Variants in NXPH1 observed in about 807,000 individuals in gnomAD.
The protein encoded by NXPH1 is neurexophilin 1.
In NXPH1, 5 loss-of-function variants were observed where a neutral mutation model predicts 23.7. The observed-to-expected ratio is 0.21, with a 90% confidence interval of 0.11 to 0.44. NXPH1 has a LOEUF of 0.44. NXPH1 is among the 20% of genes least tolerant of loss of function. The probability of loss-of-function intolerance (pLI) is 0.99; values close to 1 mark genes in which losing one functional copy is unlikely to be tolerated. For synonymous variants in NXPH1, 144 were observed against 122.2 expected, an observed-to-expected ratio of 1.18 and a Z score of -1.18; for missense variants, 324 against 321.6, an observed-to-expected ratio of 1.01 and a Z score of -0.06.
intron 2 of NXPH1, among the ~76,000 whole-genome samples, chr7:8,500,879 G>A (rs1005324502): frequency 7.9e-5 from 12 of 151,998 alleles, no homozygotes; most frequent in Non-Finnish European, 1.5e-4. Flanking sequence ...AAATAATGAC[G>A]TAGGGGTCCC....
chr7:8,485,532 G>T (rs1438977622), intron 2 of NXPH1, among the ~76,000 whole-genome samples: 1 of 151,984 alleles, frequency 6.6e-6, no homozygotes, highest in Admixed American at 6.6e-5. Flanking sequence ...TCCACAGAAG[G>T]ATGGCACAAA....
At chr7:8,671,663 T>G (rs1199731107) in intron 2 of NXPH1, among the ~76,000 whole-genome samples, 2 of 152,198 alleles carry the variant, frequency 1.3e-5, no homozygotes, top group Non-Finnish European at 2.9e-5. Flanking sequence ...TTAGATAAGT[T>G]TGGTACAGAA....
intron 2 of NXPH1, among the ~76,000 whole-genome samples, chr7:8,640,478 T>C (rs1215402724): frequency 3.3e-5 from 5 of 151,782 alleles, no homozygotes; most frequent in Admixed American, 2.0e-4. Flanking sequence ...CTTTCTTTGA[T>C]CTAGTCATAC....
At chr7:8,701,182 T>C (rs1264977487) in intron 2 of NXPH1, among the ~76,000 whole-genome samples, 1 of 152,122 alleles carries the variant, frequency 6.6e-6, no homozygotes, top group Non-Finnish European at 1.5e-5. Flanking sequence ...ACGATTGCAA[T>C]AGTTTTCCAT....
intron 2 of NXPH1, among the ~76,000 whole-genome samples, chr7:8,571,445 A>G (rs756465): frequency 0.4 from 61,284 of 151,558 alleles, 13,656 homozygotes; most frequent in African/African-American, 0.61. Flanking sequence ...AGAGGTGGGA[A>G]AAAGAACTCA....
At chr7:8,575,416 T>C (rs1818733797) in intron 2 of NXPH1, among the ~76,000 whole-genome samples, 1 of 152,194 alleles carries the variant, frequency 6.6e-6, no homozygotes, top group South Asian at 2.1e-4. Context: ...TTTTGTTTTA[T>C]ATGTGACTGT....
chr7:8,700,187 C>T (rs929306079), intron 2 of NXPH1, among the ~76,000 whole-genome samples: 2 of 152,068 alleles, frequency 1.3e-5, no homozygotes, highest in Non-Finnish European at 2.9e-5. Flanking sequence ...TATTTAGGAT[C>T]GTTTATGAGC....
intron 2 of NXPH1, among the ~76,000 whole-genome samples, chr7:8,451,074 G>A (rs941839591): frequency 1.3e-5 from 2 of 149,616 alleles, no homozygotes; most frequent in East Asian, 2.0e-4. Context: ...CTGCACTGTG[G>A]AAGAATATGC....
chr7:8,593,896 C>T (rs577139812), intron 2 of NXPH1, among the ~76,000 whole-genome samples: 7 of 151,952 alleles, frequency 4.6e-5, no homozygotes, highest in South Asian at 2.1e-4. Context: ...AAAGCATACA[C>T]GATACGTTAC....
At chr7:8,714,696 C>G (rs1779849472) in intron 2 of NXPH1, among the ~76,000 whole-genome samples, 1 of 152,112 alleles carries the variant, frequency 6.6e-6, no homozygotes, top group Non-Finnish European at 1.5e-5. Context: ...TTCAAGGCAG[C>G]AGGTTCCTTT....
At chr7:8,463,154 A>G (rs1816723315) in intron 2 of NXPH1, among the ~76,000 whole-genome samples, 1 of 152,210 alleles carries the variant, frequency 6.6e-6, no homozygotes. Context: ...TAAGCCTTTT[A>G]TAATAGATCT....
At chr7:8,721,190 C>T (rs1378772829) in intron 2 of NXPH1, among the ~76,000 whole-genome samples, 1 of 152,082 alleles carries the variant, frequency 6.6e-6, no homozygotes, top group African/African-American at 2.4e-5. Flanking sequence ...GGTAAATGGG[C>T]ATGGTGTCTC....
In NXPH1 at chr7:8,482,574, C is replaced by G. The variant is rs906590467; in HGVS notation, c.54+46807C>G. ...CCTTTTTCTCTCTCTGGACTGTTCTCTATTTTGGCCTTTTAAATCAGGGGT... is the reference window on the plus strand; with the variant it reads ...CCTTTTTCTCTCTCTGGACTGTTCTGTATTTTGGCCTTTTAAATCAGGGGT... On this transcript the variant is annotated intron_variant, in intron 2 of 2. Transcript: ENST00000405863. 2.0e-5 allele frequency among the ~76,000 whole-genome samples: 3 copies of G among 152,204 alleles called. No individual in the cohort carries two copies. The South Asian group carries it at 6.2e-4, about 32-fold the overall frequency.
intron 2 of NXPH1, among the ~76,000 whole-genome samples, chr7:8,673,605 CTTCATGCT>C (rs1325742184): frequency 1.3e-5 from 2 of 152,078 alleles, no homozygotes; most frequent in African/African-American, 2.4e-5. Flanking sequence ...CTGCCCCATG[CTTCATGCT>C]TTCATGCATA....
intron 2 of NXPH1, among the ~76,000 whole-genome samples, chr7:8,535,160 T>A (rs1486369670): frequency 6.6e-6 from 1 of 152,036 alleles, no homozygotes; most frequent in Non-Finnish European, 1.5e-5. Context: ...CAGACAGACA[T>A]GAACACCAAA....
In NXPH1 at chr7:8,640,943, G is replaced by T. The variant is rs867569403; in HGVS notation, c.55-110065G>T. ...CACTCCAGCCAGAGCAACAGAGCAA[G>T]ACTGTCTCTAATATAAATAAATAAA... is the stretch of plus-strand genomic sequence containing the variant. On this transcript the variant is annotated intron_variant, in intron 2 of 2. Coordinates refer to ENST00000405863, the MANE Select transcript of NXPH1 (RefSeq NM_152745.3). Among the ~76,000 whole-genome samples, 4 of 152,184 alleles carry T rather than the reference G, an allele frequency of 2.6e-5. No individual in the cohort carries two copies. The South Asian group carries it at 6.2e-4, about 24-fold the overall frequency.
intron 2 of NXPH1, among the ~76,000 whole-genome samples, chr7:8,630,353 TATTTAATGATAC>T (rs1344053943): frequency 8.5e-5 from 13 of 152,292 alleles, no homozygotes; most frequent in African/African-American, 2.9e-4. Context: ...ATTCTCAAGA[TATTTAATGATAC>T]ATTTTATGTC....
At chr7:8,446,739 C>T (rs1816410566) in intron 2 of NXPH1, among the ~76,000 whole-genome samples, 1 of 151,846 alleles carries the variant, frequency 6.6e-6, no homozygotes, top group South Asian at 2.1e-4. Context: ...CCATAAATTC[C>T]ACTATGATTT....
At chr7:8,525,748 G>A (rs574910339) in intron 2 of NXPH1, among the ~76,000 whole-genome samples, 2 of 152,344 alleles carry the variant, frequency 1.3e-5, no homozygotes, top group East Asian at 1.9e-4. Flanking sequence ...TCCACGTGGT[G>A]TTGAGCATGT....
Sources: allele counts gnomAD v4.1 joint callset (sites outside exome capture counted in the v4.1 genomes callset), GRCh38; gene constraint gnomAD v4.1.1; transcripts MANE v1.5; gene names NCBI Gene and HGNC (gene_info 2026-07-23, HGNC 2026-07-21).